Variants in PIAS1 observed in about 807,000 individuals in gnomAD.
The protein encoded by PIAS1 is protein inhibitor of activated STAT 1.
A neutral mutation model predicts 71.3 loss-of-function variants in PIAS1; 6 were observed. The observed-to-expected ratio is 0.08, with a 90% CI of 0.05 to 0.17. The LOEUF is 0.17. Among genes scored for constraint, PIAS1 ranks in the 10% least tolerant of loss-of-function variants. The pLI, the probability that PIAS1 is intolerant of heterozygous loss-of-function variation, is 1.00. For missense variants in PIAS1, 555 were observed against 793.6 expected, an observed-to-expected ratio of 0.70 and a Z score of 3.61; for synonymous variants, 303 against 292.9, an observed-to-expected ratio of 1.03 and a Z score of -0.35.
At position 68,132,475 on chromosome 15, in the gene PIAS1, T is replaced by TAA. The variant is rs575689596; in HGVS notation, c.470-9462_470-9461dup. Among the ~76,000 whole-genome samples the TAA allele has an allele frequency of 2.1e-5, 3 of 144,798 alleles. No homozygotes were observed. In the East Asian group the frequency reaches 6.0e-4, roughly 29 times the overall value. The allele number at this position is 144,798 out of a possible 152,430, so 95.0% of individuals were successfully genotyped here. On this transcript the variant is annotated intron_variant, in intron 2 of 13. Transcript: ENST00000249636. ...GGGTGACAGAGTGAGACTCTGTCTC[T>TAA]AAAAAAAAAAGGAAACTACAATGTT...
At chr15:68,170,934 C>A (rs1045735038) in intron 8 of PIAS1, among the ~76,000 whole-genome samples, 2 of 152,184 alleles carry the variant, frequency 1.3e-5, no homozygotes, top group African/African-American at 4.8e-5. Flanking sequence ...AGCCACCACA[C>A]CTGGCCACTG....
At chr15:68,102,091 G>T (rs1336537308) in intron 2 of PIAS1, among the ~76,000 whole-genome samples, 1 of 152,070 alleles carries the variant, frequency 6.6e-6, no homozygotes, top group African/African-American at 2.4e-5. Flanking sequence ...TTCCTCGAAA[G>T]TTTTTATTTT....
chr15:68,096,300 G>C (rs77282797), intron 2 of PIAS1, among the ~76,000 whole-genome samples: 3 of 152,106 alleles, frequency 2.0e-5, no homozygotes, highest in Non-Finnish European at 4.4e-5. Context: ...ATGTCTTTAT[G>C]TCAAGACCAC....
In PIAS1 at chr15:68,099,831, T is replaced by A. The variant is rs140406761; in HGVS notation, c.469+13081T>A. Among the ~76,000 whole-genome samples, 627 of 152,230 alleles carry A rather than the reference T, an allele frequency of 4.1e-3. 2 individuals are homozygous for A. Among genetic ancestry groups the A allele is most frequent in the Non-Finnish European group, 6.0e-3 (405 of 67,988 alleles). On this transcript the variant is annotated intron_variant, in intron 2 of 13. Transcript: ENST00000249636. ...TTATTTTTAGATGTTTAAGTATGTA[T>A]GTAGCGATAACTCATTTTGGTTTTA...
chr15:68,145,953 T>C, intron 5 of PIAS1, 47 bp downstream of exon 5: 1 of 1,026,576 alleles, frequency 9.7e-7, no homozygotes, highest in Non-Finnish European at 1.5e-6. Context: ...AACATAACTA[T>C]CAAATAAGTC....
chr15:68,119,692 T>C (rs2092597522), intron 2 of PIAS1, among the ~76,000 whole-genome samples: 1 of 152,206 alleles, frequency 6.6e-6, no homozygotes, highest in African/African-American at 2.4e-5. Context: ...GATTGGTTGG[T>C]AATATTGTTC....
Position 68,173,689 on chromosome 15 carries a change from G to A in PIAS1, c.1009-43G>A. On this transcript the variant is annotated intron_variant, in intron 8 of 13. Transcript: ENST00000249636. This position sits in a 1 kb window ranked among gnomAD's most constrained non-coding sequence, Gnocchi z 4.3. ...AAATTTTTGTCAAAGCTTAAATGTTGAATAGCAATTATCTAATATTTACTT... is the reference window on the plus strand; with the variant it reads ...AAATTTTTGTCAAAGCTTAAATGTTAAATAGCAATTATCTAATATTTACTT... 7.1e-7 allele frequency: 1 copy of A among 1,409,488 alleles called. No individual in the cohort carries two copies. 87.3% of individuals were successfully genotyped at this position (1,409,488 alleles called of 1,614,324 possible). A position where few individuals can be genotyped will look rare whatever the true frequency, so the allele number is the denominator to read the frequency against.
At chr15:68,123,911 A>C (rs1335028261) in intron 2 of PIAS1, among the ~76,000 whole-genome samples, 1 of 152,178 alleles carries the variant, frequency 6.6e-6, no homozygotes, top group African/African-American at 2.4e-5. Flanking sequence ...TTATAGGCGG[A>C]AAACACAGGC....
chr15:68,126,145 A>G (rs1242753648), intron 2 of PIAS1, among the ~76,000 whole-genome samples: 3 of 152,090 alleles, frequency 2.0e-5, no homozygotes, highest in Admixed American at 1.3e-4. Flanking sequence ...TAATCTGGAA[A>G]CTTGTTCTTT....
At chr15:68,133,069 T>C (rs2092698559) in intron 2 of PIAS1, among the ~76,000 whole-genome samples, 1 of 152,030 alleles carries the variant, frequency 6.6e-6, no homozygotes, top group South Asian at 2.1e-4. Flanking sequence ...TGTATTTTTT[T>C]AATATTGTCG....
At position 68,142,038 on chromosome 15, in the gene PIAS1, G is replaced by A. The variant is rs765450886; in HGVS notation, c.554+8G>A. 1 of 1,574,162 alleles carries A rather than the reference G, an allele frequency of 6.4e-7. No homozygotes were observed. Among genetic ancestry groups the A allele is most frequent in the Non-Finnish European group, 8.7e-7 (1 of 1,151,672 alleles). On this transcript the variant is annotated splice_region_variant and intron_variant, in intron 3 of 13. Coordinates refer to ENST00000249636, the MANE Select transcript of PIAS1 (RefSeq NM_016166.3). ...GCAAATCAGTAGTTCCATGTAAGTT[G>A]TCGTCAAGTGTAACTTGAAGTTTGA... is the stretch of plus-strand genomic sequence containing the variant.
chr15:68,146,278 T>G (rs2092807395), intron 5 of PIAS1, among the ~76,000 whole-genome samples: 1 of 152,198 alleles, frequency 6.6e-6, no homozygotes, highest in Non-Finnish European at 1.5e-5. Flanking sequence ...CTTGAAATAC[T>G]ACTACTCATG....
intron 7 of PIAS1, among the ~76,000 whole-genome samples, chr15:68,159,483 T>C (rs1450411355): frequency 1.3e-5 from 2 of 152,146 alleles, no homozygotes; most frequent in Admixed American, 1.3e-4. Flanking sequence ...GCCTTTTGCA[T>C]TCCATCCCAT....
At chr15:68,074,635 A>G (rs1567029102) in intron 1 of PIAS1, among the ~76,000 whole-genome samples, 1 of 152,194 alleles carries the variant, frequency 6.6e-6, no homozygotes, top group Non-Finnish European at 1.5e-5. Flanking sequence ...TCACTTTCTA[A>G]TGTCCACAAA....
chr15:68,084,778 G>A (rs2092264044), intron 1 of PIAS1, among the ~76,000 whole-genome samples: 1 of 152,102 alleles, frequency 6.6e-6, no homozygotes, highest in Non-Finnish European at 1.5e-5. Context: ...GGAGAACCCT[G>A]GTTTGCTTAT....
In PIAS1 at chr15:68,181,304, A is replaced by G; in HGVS notation, c.1574A>G (p.Gln525Arg). 1 of 1,613,764 alleles carries G rather than the reference A, an allele frequency of 6.2e-7. No homozygotes were observed. The highest frequency in any genetic ancestry group is 1.1e-5 in the South Asian group (1 of 91,070). The change falls in exon 12 of 14, where the codon CAA (glutamine) becomes CGA (arginine). Residue 525 changes from glutamine (Q) to arginine (R), a missense_variant. Coordinates refer to ENST00000249636, the MANE Select transcript of PIAS1 (RefSeq NM_016166.3). ...AGCTACATTAATACCTCCCTCATCCAAGACTATAGGCATCCTTTCCACATG... is the reference window on the plus strand; with the variant it reads ...AGCTACATTAATACCTCCCTCATCCGAGACTATAGGCATCCTTTCCACATG... ...DTSYINTSLIQDYRHPFHMTP... is the reference protein window; with the variant it reads ...DTSYINTSLIRDYRHPFHMTP...
At chr15:68,159,007 T>G (rs1374010014) in intron 7 of PIAS1, among the ~76,000 whole-genome samples, 2 of 152,180 alleles carry the variant, frequency 1.3e-5, no homozygotes, top group African/African-American at 4.8e-5. Flanking sequence ...CTGTAGCTCA[T>G]GACAACAGGG....
At chr15:68,110,693 A>T (rs529079677) in intron 2 of PIAS1, among the ~76,000 whole-genome samples, 1 of 152,008 alleles carries the variant, frequency 6.6e-6, no homozygotes, top group South Asian at 2.1e-4. Context: ...GCCTGGGGAG[A>T]TCAAGGCTGC....
intron 2 of PIAS1, among the ~76,000 whole-genome samples, chr15:68,128,205 G>C (rs527419139): frequency 6.6e-6 from 1 of 152,024 alleles, no homozygotes; most frequent in Non-Finnish European, 1.5e-5. Context: ...TCACTCTGCC[G>C]CCCATACTAG....
Sources: gnomAD v4.1 joint callset for allele counts (sites outside exome capture counted in the v4.1 genomes callset) on GRCh38, gnomAD v4.1.1 for gene constraint, Gnocchi (gnomAD v3.1) non-coding constraint, MANE v1.5 for transcripts, NCBI Gene and HGNC (gene_info 2026-07-23, HGNC 2026-07-21) for gene names.